MALRD1: variants seen among roughly 807,000 people sequenced by gnomAD.
MALRD1 encodes the protein MAM and LDL receptor class A domain containing 1.
Under a neutral mutation model 242.1 loss-of-function variants are expected in MALRD1, and 247 were observed. That is an observed-to-expected ratio of 1.02 (90% CI 0.92 to 1.13). The LOEUF is 1.13. MALRD1 is among the 50% of genes most tolerant of loss of function. The pLI is 0.00. For synonymous variants in MALRD1, 995 were observed against 866.6 expected (o/e 1.15, Z -2.60); for missense variants, 2,989 against 2,533.1 (o/e 1.18, Z -3.86).
At chr10:19,270,028 G>A (rs1273751636) in intron 19 of MALRD1, among the ~76,000 whole-genome samples, 1 of 152,120 alleles carries the variant, frequency 6.6e-6, no homozygotes, top group Non-Finnish European at 1.5e-5. Context: ...TCAGACTGCT[G>A]GTTTTGCTGA....
chr10:19,196,822 C>G (rs1383022529), intron 14 of MALRD1, among the ~76,000 whole-genome samples: 1 of 152,118 alleles, frequency 6.6e-6, no homozygotes, highest in Non-Finnish European at 1.5e-5. Context: ...ACTTTGAAAT[C>G]ATTAACTTCT....
intron 21 of MALRD1, among the ~76,000 whole-genome samples, chr10:19,312,400 A>ATATATATATATATATG (rs1491220851): frequency 1.6e-4 from 23 of 143,596 alleles, no homozygotes; most frequent in African/African-American, 5.4e-4. Context: ...ATATATATAT[A>ATATATATATATATATG]TGTGTATATG....
chr10:19,720,859 A>C (rs1476550742), intron 38 of MALRD1, among the ~76,000 whole-genome samples: 1 of 152,220 alleles, frequency 6.6e-6, no homozygotes, highest in Non-Finnish European at 1.5e-5. Flanking sequence ...GTATAAAATA[A>C]CACTTTAAGG....
intron 28 of MALRD1, among the ~76,000 whole-genome samples, chr10:19,401,204 C>T (rs1349491498): frequency 6.6e-6 from 1 of 152,062 alleles, no homozygotes; most frequent in Non-Finnish European, 1.5e-5. Flanking sequence ...CCTCTACAGT[C>T]TATGTCATAC....
intron 21 of MALRD1, among the ~76,000 whole-genome samples, chr10:19,315,557 T>TA (rs1162860593): frequency 1.9e-5 from 2 of 103,936 alleles, no homozygotes; most frequent in Non-Finnish European, 3.6e-5. Context: ...AATATAAATA[T>TA]TATTTATATA....
intron 29 of MALRD1, among the ~76,000 whole-genome samples, chr10:19,487,367 A>AT (rs750042399): frequency 6.6e-6 from 1 of 151,106 alleles, no homozygotes; most frequent in Non-Finnish European, 1.5e-5. Context: ...TTATTTGTTT[A>AT]TTTTTCTTTG....
In MALRD1 at chr10:19,388,881, G is replaced by GAAAAAAA. The variant is rs11405183; in HGVS notation, c.4688-559_4688-553dup. Among the ~76,000 whole-genome samples the GAAAAAAA allele has an allele frequency of 4.3e-4, 50 of 116,890 alleles. 3 individuals carry two copies. Among genetic ancestry groups the GAAAAAAA allele is most frequent in the East Asian group, 7.0e-4 (3 of 4,302 alleles). The allele number at this position is 116,890 out of a possible 152,430, so 76.7% of individuals were successfully genotyped here. A position where few individuals can be genotyped will look rare whatever the true frequency, so the allele number is the denominator to read the frequency against. ...AATATTGAAATTCCATAGGTCTACT[G>GAAAAAAA]AAAAAAAAAAAAAAAAAAGAAAAAC... On this transcript the variant is annotated intron_variant, in intron 27 of 39. Coordinates refer to ENST00000454679, the MANE Select transcript of MALRD1 (RefSeq NM_001142308.3).
chr10:19,581,865 A>G (rs1202090912), intron 33 of MALRD1, among the ~76,000 whole-genome samples: 5 of 152,048 alleles, frequency 3.3e-5, no homozygotes, highest in Admixed American at 3.3e-4. Context: ...ATTTCTCCAC[A>G]TCCTCTCCAG....
At chr10:19,585,851 T>G (rs2131526369) in intron 33 of MALRD1, among the ~76,000 whole-genome samples, 1 of 152,332 alleles carries the variant, frequency 6.6e-6, no homozygotes, top group South Asian at 2.1e-4. Flanking sequence ...TCCCTGTCAC[T>G]TTCAGGTACA....
At position 19,108,406 on chromosome 10, in the gene MALRD1, T is replaced by C. The variant is rs1222694323; in HGVS notation, c.694+4331T>C. On this transcript the variant is annotated intron_variant, in intron 5 of 39. Transcript: ENST00000454679. ...TTTTTTCTTTTTTTTTTTTTTTTTT[T>C]TTTTTTTTTTTTTTTTTTTAAGACG... Among the ~76,000 whole-genome samples the C allele has an allele frequency of 2.0e-3, 34 of 16,996 alleles. 1 individual carries two copies. Among genetic ancestry groups the C allele is most frequent in the Middle Eastern group, 0.05 (1 of 20 alleles). The allele number at this position is 16,996 out of a possible 152,430, so 11.2% of individuals were successfully genotyped here. A position where few individuals can be genotyped will look rare whatever the true frequency, so the allele number is the denominator to read the frequency against.
rs1369764252 is a variant in MALRD1, at chr10:19,539,906, GCGTGCGCGCACACA to G, written c.5478+8558_5478+8571del. Reference sequence around the variant, plus strand: ...TGTGTGTGTGTGTGTGTGCGCGCGCGCGTGCGCGCACACACGCGCAGTGATGGGGTTTTGCCATG... The same window carrying G: ...TGTGTGTGTGTGTGTGTGCGCGCGCGCGCGCAGTGATGGGGTTTTGCCATG... On this transcript the variant is annotated intron_variant, in intron 32 of 39. Coordinates refer to ENST00000454679, the MANE Select transcript of MALRD1 (RefSeq NM_001142308.3). Among the ~76,000 whole-genome samples the G allele has an allele frequency of 2.3e-3, 118 of 51,380 alleles. 2 individuals carry two copies. The highest frequency in any genetic ancestry group is 6.8e-3 in the African/African-American group (97 of 14,318). The allele number at this position is 51,380 out of a possible 152,430, so 33.7% of individuals were successfully genotyped here. A position where few individuals can be genotyped will look rare whatever the true frequency, so the allele number is the denominator to read the frequency against.
intron 8 of MALRD1, among the ~76,000 whole-genome samples, chr10:19,129,765 C>A (rs1377110121): frequency 6.8e-6 from 1 of 147,806 alleles, no homozygotes; most frequent in Non-Finnish European, 1.5e-5. Context: ...TAATATATAA[C>A]AAATAATATA....
intron 36 of MALRD1, among the ~76,000 whole-genome samples, chr10:19,627,506 G>A (rs1839706269): frequency 1.3e-5 from 2 of 152,156 alleles, no homozygotes; most frequent in South Asian, 4.1e-4. Context: ...GGGAGGCCAG[G>A]TAGAGTGGAT....
chr10:19,093,906 G>C (rs1386677312), intron 4 of MALRD1, among the ~76,000 whole-genome samples: 5 of 98,946 alleles, frequency 5.1e-5, no homozygotes, highest in Non-Finnish European at 8.3e-5. Flanking sequence ...GGCTGCTCGG[G>C]GGTCAGGGGT....
intron 28 of MALRD1, among the ~76,000 whole-genome samples, chr10:19,406,003 C>T (rs1358694255): frequency 6.6e-6 from 1 of 152,068 alleles, no homozygotes; most frequent in Non-Finnish European, 1.5e-5. Flanking sequence ...TGGAGACAGA[C>T]TTGGATTTGA....
intron 31 of MALRD1, among the ~76,000 whole-genome samples, chr10:19,524,498 A>G (rs1834012280): frequency 6.6e-6 from 1 of 152,116 alleles, no homozygotes; most frequent in South Asian, 2.1e-4. Flanking sequence ...CACGTTGGAA[A>G]TCTGCGGGAA....
intron 18 of MALRD1, among the ~76,000 whole-genome samples, chr10:19,220,222 C>T (rs561312538): frequency 6.6e-6 from 1 of 152,008 alleles, no homozygotes; most frequent in Admixed American, 6.6e-5. Context: ...TCTGAAAAAT[C>T]AAGACAGCAA....
chr10:19,304,090 C>G (rs1357954671), intron 21 of MALRD1, among the ~76,000 whole-genome samples: 1 of 151,566 alleles, frequency 6.6e-6, no homozygotes, highest in African/African-American at 2.4e-5. Context: ...AATCATTGGA[C>G]TAAAAAGGGA....
intron 36 of MALRD1, among the ~76,000 whole-genome samples, chr10:19,664,968 C>A (rs1259368466): frequency 6.6e-6 from 1 of 152,030 alleles, no homozygotes; most frequent in African/African-American, 2.4e-5. Context: ...TGAATCTTAG[C>A]AGATCAAGAG....
Sources: allele counts gnomAD v4.1 joint callset (sites outside exome capture counted in the v4.1 genomes callset), GRCh38; gene constraint gnomAD v4.1.1; transcripts MANE v1.5; gene names NCBI Gene and HGNC (gene_info 2026-07-23, HGNC 2026-07-21).